ADGB: variants seen among roughly 807,000 people sequenced by gnomAD.
ADGB encodes androglobin.
Under a neutral mutation model 210.5 loss-of-function variants are expected in ADGB, and 172 were observed. The observed-to-expected ratio is 0.82, with a 90% CI of 0.72 to 0.93. The LOEUF (loss-of-function observed/expected upper bound fraction) is 0.93. Ranked by LOEUF, ADGB falls within the 40% of genes least tolerant of loss-of-function variation. ADGB has a pLI of 0.00. For missense variants in ADGB, 2,025 were observed against 1,964.8 expected (o/e 1.03, Z -0.58); for synonymous variants, 658 against 662.7 (o/e 0.99, Z 0.11).
chr6:146,739,478 T>G (rs1238803579), intron 23 of ADGB, among the ~76,000 whole-genome samples: 1 of 152,190 alleles, frequency 6.6e-6, no homozygotes, highest in East Asian at 1.9e-4. Flanking sequence ...TTTGTCTTTG[T>G]CACCATTTTA....
intron 5 of ADGB, among the ~76,000 whole-genome samples, chr6:146,659,350 C>T (rs1262591289): frequency 2.0e-5 from 3 of 152,126 alleles, no homozygotes; most frequent in East Asian, 1.9e-4. Flanking sequence ...TTTTCTTTCC[C>T]GTTTCCCATC....
chr6:146,733,813 C>A (rs2114588068), intron 21 of ADGB, 80 bp from the exon 22 acceptor site: 1 of 1,455,092 alleles, frequency 6.9e-7, no homozygotes, highest in Non-Finnish European at 9.4e-7. Context: ...TGTTGGAGGG[C>A]TTTGGCAGCT....
At chr6:146,789,155 A>G (rs1777921000) in intron 33 of ADGB, among the ~76,000 whole-genome samples, 1 of 152,186 alleles carries the variant, frequency 6.6e-6, no homozygotes, top group Admixed American at 6.5e-5. Context: ...GTTTCCATGA[A>G]TTCCTAAGCA....
intron 22 of ADGB, among the ~76,000 whole-genome samples, chr6:146,736,028 A>T (rs1777074133): frequency 6.6e-6 from 1 of 152,210 alleles, no homozygotes; most frequent in African/African-American, 2.4e-5. Flanking sequence ...GATACAGTAA[A>T]TTTGAGGCTG....
At chr6:146,647,105 C>CA (rs71552951) in intron 3 of ADGB, among the ~76,000 whole-genome samples, 4 of 136,410 alleles carry the variant, frequency 2.9e-5, no homozygotes, top group Admixed American at 7.3e-5. Context: ...AAACAAAAAA[C>CA]AAAAAACAAA....
intron 8 of ADGB, among the ~76,000 whole-genome samples, chr6:146,675,420 A>G (rs1776071414): frequency 6.6e-6 from 1 of 152,100 alleles, no homozygotes; most frequent in Non-Finnish European, 1.5e-5. Context: ...TGCTGCAGTG[A>G]GCTGAGACCT....
intron 3 of ADGB, among the ~76,000 whole-genome samples, chr6:146,651,117 G>A (rs931558317): frequency 6.6e-6 from 1 of 152,226 alleles, no homozygotes; most frequent in Admixed American, 6.5e-5. Context: ...CCATGAACGT[G>A]AGGGAAGGGA....
chr6:146,694,018 C>A (rs543784413), intron 12 of ADGB, among the ~76,000 whole-genome samples: 38 of 152,234 alleles, frequency 2.5e-4, no homozygotes, highest in African/African-American at 8.7e-4. Flanking sequence ...CTCTATAGCT[C>A]TCTTCTTTCC....
At chr6:146,802,800 G>A (rs1391567157) in intron 35 of ADGB, 6 of 1,606,826 alleles carry the variant, frequency 3.7e-6, no homozygotes, top group Non-Finnish European at 3.4e-6. Flanking sequence ...ATCTCTCAAT[G>A]TAACTGTAAT....
intron 1 of ADGB, among the ~76,000 whole-genome samples, chr6:146,602,632 C>T (rs934853401): frequency 3.9e-5 from 6 of 152,134 alleles, no homozygotes; most frequent in African/African-American, 1.4e-4. Context: ...CCAGCATGGT[C>T]AGGTTCGGGG....
At chr6:146,772,296 C>T (rs531059100) in intron 29 of ADGB, among the ~76,000 whole-genome samples, 69 of 151,682 alleles carry the variant, frequency 4.5e-4, no homozygotes, top group Admixed American at 2.4e-3. Flanking sequence ...AATAGCATCA[C>T]ATAGTACAAT....
chr6:146,660,400 G>A (rs140925278), intron 5 of ADGB, among the ~76,000 whole-genome samples: 39 of 152,068 alleles, frequency 2.6e-4, no homozygotes, highest in Non-Finnish European at 4.1e-4. Flanking sequence ...AAAGTTCCCC[G>A]TAATTTTACC....
intron 23 of ADGB, among the ~76,000 whole-genome samples, 183 bp from the exon 24 acceptor site, chr6:146,740,276 T>TTA (rs1777145582): frequency 6.6e-6 from 1 of 152,214 alleles, no homozygotes; most frequent in Non-Finnish European, 1.5e-5. Flanking sequence ...TAACCTAGAA[T>TTA]GGGTCCCCTT....
At chr6:146,688,295 A>T (rs866964220) in intron 10 of ADGB, among the ~76,000 whole-genome samples, 23 of 152,268 alleles carry the variant, frequency 1.5e-4, no homozygotes, top group Admixed American at 5.9e-4. Flanking sequence ...GAATGAAAAA[A>T]AAAATGAATG....
chr6:146,769,766 A>C (rs553958510), intron 29 of ADGB, among the ~76,000 whole-genome samples: 1 of 152,334 alleles, frequency 6.6e-6, no homozygotes, highest in Non-Finnish European at 1.5e-5. Context: ...TAATATATGC[A>C]TGTTATTTTT....
chr6:146,704,916 T>C (rs1208338832), intron 13 of ADGB, among the ~76,000 whole-genome samples: 1 of 152,126 alleles, frequency 6.6e-6, no homozygotes, highest in Non-Finnish European at 1.5e-5. Flanking sequence ...GTACATTGCT[T>C]TGGCTAGTAC....
At position 146,728,642 on chromosome 6, in the gene ADGB, C is replaced by T; in HGVS notation, c.2421C>T (p.Phe807=). 1.3e-6 allele frequency: 2 copies of T among 1,551,574 alleles called. No homozygotes were observed. Among genetic ancestry groups the T allele is most frequent in the South Asian group, 2.4e-5 (2 of 84,038 alleles). Residue 807 remains phenylalanine (F), a synonymous_variant, in exon 20 of 36, where the codon TTC becomes TTT. Transcript: ENST00000397944. ...CTATTGGAAATGTGATTGCTAATTTCAAAGATAAGGGTAAACTCTCTGCAG... is the reference window on the plus strand; with the variant it reads ...CTATTGGAAATGTGATTGCTAATTTTAAAGATAAGGGTAAACTCTCTGCAG... ...MKAIGNVIAN[F]KDKGKLSAAL...
chr6:146,752,788 G>T, intron 27 of ADGB, 74 bp downstream of exon 27: 1 of 1,339,886 alleles, frequency 7.5e-7, no homozygotes, highest in Non-Finnish European at 9.8e-7. Flanking sequence ...CTTTAAAAAT[G>T]AAAATAAAGT....
At chr6:146,726,261 G>A (rs1180216518) in intron 19 of ADGB, 64 bp downstream of exon 19, 3 of 1,187,590 alleles carry the variant, frequency 2.5e-6, no homozygotes, top group Non-Finnish European at 3.6e-6. Flanking sequence ...TCGCACTGTT[G>A]CCAGGGCTGG....
Sources: allele counts gnomAD v4.1 joint callset (sites outside exome capture counted in the v4.1 genomes callset), GRCh38; gene constraint gnomAD v4.1.1; transcripts MANE v1.5; gene names NCBI Gene and HGNC (gene_info 2026-07-23, HGNC 2026-07-21).